PRDM16: variants seen among roughly 807,000 people sequenced by gnomAD.
PRDM16 encodes PR/SET domain 16.
PRDM16 carries 23 observed loss-of-function variants against 110.6 expected under a neutral mutation model. The observed-to-expected ratio is 0.21, with a 90% CI of 0.15 to 0.29. The LOEUF (loss-of-function observed/expected upper bound fraction) is 0.29, where lower values mean the gene tolerates loss of function less well. Among genes scored for constraint, PRDM16 ranks in the 10% least tolerant of loss-of-function variants. The pLI is 1.00. For synonymous variants in PRDM16, 799 were observed against 781.8 expected, an observed-to-expected ratio of 1.02 and a Z score of -0.37; for missense variants, 1,615 against 1,794.3, an observed-to-expected ratio of 0.90 and a Z score of 1.81.
intron 3 of PRDM16, among the ~76,000 whole-genome samples, chr1:3,256,367 C>A (rs538030057): frequency 6.6e-6 from 1 of 152,168 alleles, no homozygotes; most frequent in African/African-American, 2.4e-5. Flanking sequence ...TACATTCATG[C>A]GTAACCATGA....
rs13374075 is a variant in PRDM16 at position 3,347,466 on chromosome 1, G to T, written c.439-37686G>T. 5.0e-3 allele frequency among the ~76,000 whole-genome samples: 758 copies of T among 152,306 alleles called. 5 individuals are homozygous for T. Among genetic ancestry groups the T allele is most frequent in the African/African-American group, 0.018 (734 of 41,578 alleles). ...AGAGCCATCCATCTGCTCCTGGAAG[G>T]CCCCGCCCTCCTGCGTCTGGTCCCA... On this transcript the variant is annotated intron_variant, in intron 3 of 16. Coordinates refer to ENST00000270722, the MANE Select transcript of PRDM16 (RefSeq NM_022114.4).
chr1:3,144,209 C>A (rs1234335869), intron 1 of PRDM16, among the ~76,000 whole-genome samples: 4 of 152,154 alleles, frequency 2.6e-5, no homozygotes, highest in Admixed American at 2.6e-4. Context: ...CCTGTGGGCA[C>A]CATCACTGCC....
intron 1 of PRDM16, among the ~76,000 whole-genome samples, chr1:3,159,986 C>T (rs767927495): frequency 2.0e-5 from 3 of 152,226 alleles, no homozygotes; most frequent in East Asian, 1.9e-4. Flanking sequence ...TCATCCACCG[C>T]GTATCTGAAA....
chr1:3,334,374 C>T (rs1005623646), intron 3 of PRDM16, among the ~76,000 whole-genome samples: 1 of 152,186 alleles, frequency 6.6e-6, no homozygotes, highest in African/African-American at 2.4e-5. Flanking sequence ...GGGGAGATGG[C>T]GAGGCCAATG....
At chr1:3,427,563 A>T (rs2483238) in intron 14 of PRDM16, among the ~76,000 whole-genome samples, 13,985 of 152,160 alleles carry the variant, frequency 0.092, 1,121 homozygotes, top group East Asian at 0.3. Flanking sequence ...TCTTCCTGTC[A>T]TTGCTTCTAG....
intron 11 of PRDM16, among the ~76,000 whole-genome samples, chr1:3,418,428 G>A (rs1293057931): frequency 3.9e-5 from 6 of 152,184 alleles, no homozygotes; most frequent in African/African-American, 1.4e-4. Flanking sequence ...CAGACTGAGG[G>A]GCCGAGACGC....
chr1:3,411,302 C>T lies in PRDM16; in HGVS notation c.1187-82C>T, dbSNP rs540161694. ...CCTCGCCCCTCCAGCGGCTGGCTTT[C>T]CCAGTAATTTCATGTGGCGTTTTCA... On this transcript the variant is annotated intron_variant, in intron 8 of 16. Coordinates refer to ENST00000270722, the MANE Select transcript of PRDM16 (RefSeq NM_022114.4). 6.7e-4 allele frequency: 989 copies of T among 1,474,498 alleles called. 7 individuals carry two copies. In the African/African-American group the frequency reaches 0.012, roughly 18 times the overall value. The allele number at this position is 1,474,498 out of a possible 1,614,324, so 91.3% of individuals were successfully genotyped here. A position where few individuals can be genotyped will look rare whatever the true frequency, so the allele number is the denominator to read the frequency against.
intron 1 of PRDM16, among the ~76,000 whole-genome samples, chr1:3,089,950 G>A (rs969957613): frequency 6.7e-6 from 1 of 149,684 alleles, no homozygotes; most frequent in Non-Finnish European, 1.5e-5. Context: ...TCCTGCCACA[G>A]TTCCATGACT....
At chr1:3,352,828 C>T (rs985924987) in intron 3 of PRDM16, among the ~76,000 whole-genome samples, 2 of 152,214 alleles carry the variant, frequency 1.3e-5, no homozygotes, top group African/African-American at 4.8e-5. Context: ...TCAGGGCCGC[C>T]TCCAAGGCCT....
At chr1:3,137,583 A>G (rs2100695138) in intron 1 of PRDM16, among the ~76,000 whole-genome samples, 1 of 152,292 alleles carries the variant, frequency 6.6e-6, no homozygotes, top group East Asian at 1.9e-4. Flanking sequence ...GACCGCCTGG[A>G]GGAGGTGGCT....
At chr1:3,167,543 C>T (rs1465088711) in intron 1 of PRDM16, among the ~76,000 whole-genome samples, 1 of 152,022 alleles carries the variant, frequency 6.6e-6, no homozygotes, top group Non-Finnish European at 1.5e-5. Flanking sequence ...AGCCTCCTCC[C>T]AGCGCCTCTG....
intron 1 of PRDM16, among the ~76,000 whole-genome samples, chr1:3,163,809 C>T (rs1217260489): frequency 6.6e-6 from 1 of 152,148 alleles, no homozygotes; most frequent in African/African-American, 2.4e-5. Flanking sequence ...TTTATCAGGA[C>T]ACGGTCATTT....
intron 3 of PRDM16, among the ~76,000 whole-genome samples, chr1:3,379,081 C>CCCCCTCCCGGTGCA (rs1329407412): frequency 6.8e-6 from 1 of 146,144 alleles, no homozygotes; most frequent in Non-Finnish European, 1.5e-5. Flanking sequence ...CCCCAACACA[C>CCCCCTCCCGGTGCA]CCCCTCCCGG....
At chr1:3,356,464 C>T (rs1298920023) in intron 3 of PRDM16, among the ~76,000 whole-genome samples, 1 of 152,226 alleles carries the variant, frequency 6.6e-6, no homozygotes, top group Non-Finnish European at 1.5e-5. Context: ...ATTTGAAATC[C>T]TCCCTTTCCA....
intron 3 of PRDM16, among the ~76,000 whole-genome samples, chr1:3,280,526 A>G (rs1050635593): frequency 1.3e-5 from 2 of 152,284 alleles, no homozygotes; most frequent in East Asian, 1.9e-4. Flanking sequence ...GTACATTCCA[A>G]CAAGGTCCGT....
intron 3 of PRDM16, among the ~76,000 whole-genome samples, chr1:3,337,443 G>A (rs1431690415): frequency 6.6e-6 from 1 of 152,198 alleles, no homozygotes; most frequent in East Asian, 1.9e-4. Context: ...GGTTTAGCAG[G>A]GTTCTTAGGA....
chr1:3,148,182 C>T lies in PRDM16; in HGVS notation c.38-37943C>T, dbSNP rs898903397. Among the ~76,000 whole-genome samples the T allele has an allele frequency of 6.6e-6, 1 of 151,922 alleles. No homozygotes were observed. Among genetic ancestry groups the T allele is most frequent in the Non-Finnish European group, 1.5e-5 (1 of 67,966 alleles). The stretch of plus-strand genomic sequence containing the variant: ...GGGCTGAGAGGTGGGAAGGAGCCCC[C>T]GGATGAGTGAAGAAGCTGGGTGCAA... On this transcript the variant is annotated intron_variant, in intron 1 of 16. Transcript: ENST00000270722. The surrounding 1 kb of genome is among the most constrained non-coding windows in gnomAD (Gnocchi z 5.0).
At chr1:3,341,337 G>T (rs1183530794) in intron 3 of PRDM16, among the ~76,000 whole-genome samples, 1 of 152,206 alleles carries the variant, frequency 6.6e-6, no homozygotes, top group South Asian at 2.1e-4. Context: ...GAGGCTGCAG[G>T]CCCTGGGCCT....
chr1:3,425,514 C>T lies in PRDM16; in HGVS notation c.2940-67C>T. On this transcript the variant is annotated intron_variant, in intron 12 of 16. Transcript: ENST00000270722. This position sits in a 1 kb window ranked among gnomAD's most constrained non-coding sequence, Gnocchi z 6.9. ...AGGGGCGCGGGCTCCCTTCCCCCCA[C>T]CCTCTGTGGCCCGGCCTGCCATGCA... is the stretch of plus-strand genomic sequence containing the variant. 1 of 1,545,224 alleles carries T rather than the reference C, an allele frequency of 6.5e-7. No individual in the cohort carries two copies. The highest frequency in any genetic ancestry group is 2.3e-5 in the East Asian group (1 of 44,206).
Sources: gnomAD v4.1 joint callset for allele counts (sites outside exome capture counted in the v4.1 genomes callset) on GRCh38, gnomAD v4.1.1 for gene constraint, Gnocchi (gnomAD v3.1) non-coding constraint, MANE v1.5 for transcripts, NCBI Gene and HGNC (gene_info 2026-07-23, HGNC 2026-07-21) for gene names.